Variants in PDZRN4 observed in about 807,000 individuals in gnomAD.
The protein encoded by PDZRN4 is PDZ domain-containing RING finger protein 4.
In PDZRN4, 70 loss-of-function variants were observed where a neutral mutation model predicts 99.0. The ratio of observed to expected loss-of-function variants is 0.71; its 90% CI spans 0.58 to 0.86. PDZRN4 has a LOEUF of 0.86. Ranked by LOEUF, PDZRN4 falls within the 40% of genes least tolerant of loss-of-function variation. The probability of loss-of-function intolerance (pLI) is 0.00; values close to 1 mark genes in which losing one functional copy is unlikely to be tolerated. For missense variants in PDZRN4, 1,474 were observed against 1,331.2 expected (o/e 1.11, Z -1.67); for synonymous variants, 551 against 501.6 (o/e 1.10, Z -1.32).
chr12:41,491,331 G>A (rs1377920258), intron 3 of PDZRN4, among the ~76,000 whole-genome samples: 2 of 152,064 alleles, frequency 1.3e-5, no homozygotes, highest in African/African-American at 2.4e-5. Flanking sequence ...GACCATCTTG[G>A]CTAACACAGT....
chr12:41,415,686 T>C (rs1436209842), intron 3 of PDZRN4, among the ~76,000 whole-genome samples: 1 of 152,152 alleles, frequency 6.6e-6, no homozygotes, highest in African/African-American at 2.4e-5. Flanking sequence ...AGATAAAACA[T>C]AATTATTTGG....
intron 3 of PDZRN4, among the ~76,000 whole-genome samples, chr12:41,347,251 T>A (rs1728832875): frequency 6.6e-6 from 1 of 152,180 alleles, no homozygotes; most frequent in South Asian, 2.1e-4. Flanking sequence ...CTCCATCATT[T>A]TACATTCCCA....
At chr12:41,525,202 G>C (rs574329527) in intron 5 of PDZRN4, among the ~76,000 whole-genome samples, 1 of 152,196 alleles carries the variant, frequency 6.6e-6, no homozygotes, top group East Asian at 1.9e-4. Context: ...CTGGATGAGA[G>C]AGTCCCAGGG....
chr12:41,423,866 T>C (rs548421161), intron 3 of PDZRN4, among the ~76,000 whole-genome samples: 2 of 152,174 alleles, frequency 1.3e-5, no homozygotes, highest in Non-Finnish European at 2.9e-5. Flanking sequence ...TAATCAGTCC[T>C]ATCAGCAGCA....
intron 3 of PDZRN4, chr12:41,437,850 C>G (rs1952644128): frequency 6.2e-7 from 1 of 1,606,304 alleles, no homozygotes; most frequent in African/African-American, 1.3e-5. Flanking sequence ...TGATGAAAAA[C>G]AGTAGTCAAG....
intron 3 of PDZRN4, among the ~76,000 whole-genome samples, chr12:41,494,701 G>A (rs776389366): frequency 2.6e-5 from 4 of 152,044 alleles, no homozygotes; most frequent in Non-Finnish European, 4.4e-5. Context: ...AAGGTTATGG[G>A]CACAAGTTCA....
At chr12:41,491,040 C>T (rs1488464051) in intron 3 of PDZRN4, among the ~76,000 whole-genome samples, 1 of 152,084 alleles carries the variant, frequency 6.6e-6, no homozygotes, top group Non-Finnish European at 1.5e-5. Context: ...CTGAGGGTTC[C>T]CTACAGTGTA....
chr12:41,492,446 G>A (rs1177525721), intron 3 of PDZRN4, among the ~76,000 whole-genome samples: 3 of 152,136 alleles, frequency 2.0e-5, no homozygotes, highest in African/African-American at 7.2e-5. Context: ...AAGATTGGGA[G>A]GGGACGAGTG....
At chr12:41,505,114 GGA>G (rs1442999395) in intron 3 of PDZRN4, among the ~76,000 whole-genome samples, 63 of 152,170 alleles carry the variant, frequency 4.1e-4, no homozygotes, top group Non-Finnish European at 8.1e-4. Context: ...GTCTACTCAG[GGA>G]GAGAGAATGT....
chr12:41,534,316 A>G (rs573275948), intron 5 of PDZRN4, among the ~76,000 whole-genome samples: 55 of 152,090 alleles, frequency 3.6e-4, no homozygotes, highest in African/African-American at 1.3e-3. Context: ...CCGGGGTACA[A>G]GTGCAGGATG....
At chr12:41,487,993 A>G (rs1269214891) in intron 3 of PDZRN4, among the ~76,000 whole-genome samples, 1 of 152,222 alleles carries the variant, frequency 6.6e-6, no homozygotes, top group Non-Finnish European at 1.5e-5. Context: ...TGAATAAGCA[A>G]TGAGTCTGCT....
At position 41,477,760 on chromosome 12, in the gene PDZRN4, G is replaced by A. The variant is rs1180262648; in HGVS notation, c.844-28696G>A. 51 of 721,378 alleles carry A rather than the reference G, an allele frequency of 7.1e-5. No individual in the cohort carries two copies. In the East Asian group the frequency reaches 1.3e-3, roughly 19 times the overall value. 44.7% of individuals were successfully genotyped at this position (721,378 alleles called of 1,614,324 possible). A position where few individuals can be genotyped will look rare whatever the true frequency, so the allele number is the denominator to read the frequency against. ...AAAACAGCCAAATAAAAATATCCTA[G>A]AATAAACATGACATTATGAAAAGCC... On this transcript the variant is annotated intron_variant, in intron 3 of 9. Transcript: ENST00000402685.
chr12:41,550,591 G>C (rs1939035637), intron 5 of PDZRN4, among the ~76,000 whole-genome samples: 1 of 152,106 alleles, frequency 6.6e-6, no homozygotes, highest in African/African-American at 2.4e-5. Flanking sequence ...CTAGGAAAAA[G>C]GATGTTTCAC....
chr12:41,415,915 T>C (rs887920809), intron 3 of PDZRN4, among the ~76,000 whole-genome samples: 12 of 152,228 alleles, frequency 7.9e-5, no homozygotes, highest in African/African-American at 2.7e-4. Flanking sequence ...GTGAATATAA[T>C]ATGTGTATAC....
intron 3 of PDZRN4, among the ~76,000 whole-genome samples, chr12:41,208,450 A>G (rs960014463): frequency 2.0e-5 from 3 of 152,014 alleles, no homozygotes; most frequent in Admixed American, 2.0e-4. Flanking sequence ...TAATATTTGC[A>G]TCAGTTTAGG....
intron 3 of PDZRN4, among the ~76,000 whole-genome samples, chr12:41,396,726 T>A (rs1952248827): frequency 6.6e-6 from 1 of 152,180 alleles, no homozygotes; most frequent in South Asian, 2.1e-4. Context: ...TTTATATCCA[T>A]GGCTGTTTTC....
At chr12:41,394,187 T>A (rs926267058) in intron 3 of PDZRN4, among the ~76,000 whole-genome samples, 1 of 152,068 alleles carries the variant, frequency 6.6e-6, no homozygotes, top group African/African-American at 2.4e-5. Context: ...GTTCCTATTA[T>A]AAGGGCCCTA....
intron 5 of PDZRN4, among the ~76,000 whole-genome samples, chr12:41,536,761 T>TAAAAAA (rs59008796): frequency 7.3e-6 from 1 of 137,362 alleles, no homozygotes; most frequent in African/African-American, 2.7e-5. Context: ...TATTGAAAAG[T>TAAAAAA]AAAAAAAAAA....
intron 3 of PDZRN4, among the ~76,000 whole-genome samples, chr12:41,254,777 G>A (rs532989361): frequency 4.6e-5 from 7 of 152,198 alleles, no homozygotes; most frequent in Non-Finnish European, 8.8e-5. Flanking sequence ...TGATGTCTAA[G>A]TGAGAACTGA....
Sources: allele counts gnomAD v4.1 joint callset (sites outside exome capture counted in the v4.1 genomes callset), GRCh38; gene constraint gnomAD v4.1.1; transcripts MANE v1.5; gene names NCBI Gene and HGNC (gene_info 2026-07-23, HGNC 2026-07-21).